Variants in FAM20A observed in about 807,000 individuals in gnomAD.
FAM20A encodes the protein pseudokinase FAM20A.
Under a neutral mutation model 52.0 loss-of-function variants are expected in FAM20A, and 42 were observed. The observed-to-expected ratio is 0.81, with a 90% CI of 0.63 to 1.04. The LOEUF (loss-of-function observed/expected upper bound fraction) is 1.04. Ranked by LOEUF, FAM20A falls within the 50% of genes least tolerant of loss-of-function variation. The probability of loss-of-function intolerance (pLI) is 0.00; values close to 1 mark genes in which losing one functional copy is unlikely to be tolerated. For missense variants in FAM20A, 742 were observed against 712.7 expected, an observed-to-expected ratio of 1.04 and a Z score of -0.47; for synonymous variants, 304 against 298.9, an observed-to-expected ratio of 1.02 and a Z score of -0.18.
intron 1 of FAM20A, among the ~76,000 whole-genome samples, chr17:68,575,835 A>ACACACACACAC (rs2087751548): frequency 3.9e-5 from 2 of 50,654 alleles, no homozygotes; most frequent in South Asian, 7.5e-4. Context: ...CACACACATA[A>ACACACACACAC]TCAGCCATTG....
intron 7 of FAM20A, 40 bp from the exon 8 acceptor site, chr17:68,540,998 A>G: frequency 6.4e-7 from 1 of 1,553,940 alleles, no homozygotes. Flanking sequence ...AAAAGCCAAG[A>G]TGGCAGGGTG....
intron 1 of FAM20A, among the ~76,000 whole-genome samples, chr17:68,585,159 C>G (rs980948952): frequency 6.6e-6 from 1 of 152,148 alleles, no homozygotes; most frequent in Non-Finnish European, 1.5e-5. Context: ...CTAGGCTGGC[C>G]CTTAGACCTG....
intron 1 of FAM20A, among the ~76,000 whole-genome samples, chr17:68,595,383 G>A (rs1446887579): frequency 6.6e-6 from 1 of 152,186 alleles, no homozygotes; most frequent in African/African-American, 2.4e-5. Context: ...ACCTGATAAT[G>A]GCCGTCTGGA....
At chr17:68,592,537 T>C (rs890136634) in intron 1 of FAM20A, among the ~76,000 whole-genome samples, 10 of 152,226 alleles carry the variant, frequency 6.6e-5, no homozygotes, top group Non-Finnish European at 1.2e-4. Context: ...GTGTTGACGA[T>C]TGAAGGTAAA....
intron 1 of FAM20A, among the ~76,000 whole-genome samples, chr17:68,573,958 G>A (rs1034468182): frequency 6.6e-6 from 1 of 151,986 alleles, no homozygotes; most frequent in Non-Finnish European, 1.5e-5. Context: ...GATTACAGGT[G>A]TGAGCCACCA....
intron 1 of FAM20A, among the ~76,000 whole-genome samples, chr17:68,575,384 T>TAC (rs1002823972): frequency 3.0e-5 from 4 of 135,524 alleles, no homozygotes; most frequent in Non-Finnish European, 6.2e-5. Flanking sequence ...TTACTTTACA[T>TAC]ATATATATAT....
At chr17:68,598,092 C>T (rs2088506610) in intron 1 of FAM20A, 1 of 151,460 alleles carries the variant, frequency 6.6e-6, no homozygotes, top group African/African-American at 2.4e-5. Flanking sequence ...CAGCCTCAAC[C>T]TTCTGGGCTC....
At chr17:68,551,824 C>G (rs1473466960) in intron 4 of FAM20A, 49 bp downstream of exon 4, 2 of 1,414,482 alleles carry the variant, frequency 1.4e-6, no homozygotes, top group Non-Finnish European at 2.0e-6. Flanking sequence ...TCCAAATCTT[C>G]CCAGGGCCAC....
At position 68,537,578 on chromosome 17, in the gene FAM20A, C is replaced by G; in HGVS notation, c.1525G>C (p.Val509Leu). 1 of 1,613,422 alleles carries G rather than the reference C, an allele frequency of 6.2e-7. No homozygotes were observed. The highest frequency in any genetic ancestry group is 8.5e-7 in the Non-Finnish European group (1 of 1,179,474). ...DRRLQTILRTVEGCIVAHGQQ... is the reference protein window; with the variant it reads ...DRRLQTILRTLEGCIVAHGQQ... ...CCATGGGCCACTATGCACCCCTCCACTGTCCTTAGGATGGTTTGGAGCCTT... is the reference window on the plus strand; with the variant it reads ...CCATGGGCCACTATGCACCCCTCCAGTGTCCTTAGGATGGTTTGGAGCCTT... Residue 509 changes from valine to leucine, a missense_variant, in exon 11 of 11, where the codon GTG (valine) becomes CTG (leucine). By Grantham distance (32) the Val-to-Leu change is conservative. Coordinates refer to ENST00000592554, the MANE Select transcript of FAM20A (RefSeq NM_017565.4). This position sits in a 1 kb window ranked among gnomAD's most constrained non-coding sequence, Gnocchi z 4.2.
At chr17:68,545,212 G>A (rs550249660) in intron 4 of FAM20A, among the ~76,000 whole-genome samples, 1 of 152,202 alleles carries the variant, frequency 6.6e-6, no homozygotes, top group African/African-American at 2.4e-5. Flanking sequence ...CTGTGTTATG[G>A]TATGAAAATA....
intron 1 of FAM20A, among the ~76,000 whole-genome samples, chr17:68,595,269 G>T (rs1393315332): frequency 6.6e-6 from 1 of 152,222 alleles, no homozygotes; most frequent in Non-Finnish European, 1.5e-5. Context: ...TTGGAAGCAG[G>T]AAGTGCCTGT....
rs533820009 is a variant in FAM20A, at chr17:68,580,385, C to T, written c.404+19878G>A. Among the ~76,000 whole-genome samples the T allele has an allele frequency of 1.6e-4, 25 of 152,308 alleles. No homozygotes were observed. In the South Asian group the frequency reaches 3.7e-3, roughly 23 times the overall value. ...GGTTTCCCGAAATGGGCTGGTTTCC[C>T]GACAAAAACTCATTCCTTTCTCGTT... On this transcript the variant is annotated intron_variant, in intron 1 of 10. Coordinates refer to ENST00000592554, the MANE Select transcript of FAM20A (RefSeq NM_017565.4).
At chr17:68,578,759 C>T (rs1370299153) in intron 1 of FAM20A, among the ~76,000 whole-genome samples, 5 of 146,768 alleles carry the variant, frequency 3.4e-5, no homozygotes, top group East Asian at 2.0e-4. Context: ...TTTGGGAGGC[C>T]GAGGCAGGCG....
intron 1 of FAM20A, among the ~76,000 whole-genome samples, chr17:68,558,991 C>T (rs974790754): frequency 9.2e-5 from 14 of 152,214 alleles, no homozygotes; most frequent in African/African-American, 2.7e-4. Context: ...CTCCTGACCT[C>T]AGGTGATCCG....
rs765957998 is a variant in FAM20A, at chr17:68,581,440, CT to C, written c.404+18822del. On this transcript the variant is annotated intron_variant, in intron 1 of 10. Transcript: ENST00000592554. ...TTTTTCTCTTTTCTTTCTTTCTTTT[CT>C]TTTTTTCTTTTCTTTCTTTCCTTTC... 6.1e-3 allele frequency among the ~76,000 whole-genome samples: 620 copies of C among 101,246 alleles called. 7 individuals are homozygous for C. The highest frequency in any genetic ancestry group is 0.015 in the South Asian group (44 of 2,924). 66.4% of individuals were successfully genotyped at this position (101,246 alleles called of 152,430 possible).
At chr17:68,571,835 A>C (rs1664382923) in intron 1 of FAM20A, among the ~76,000 whole-genome samples, 1 of 151,778 alleles carries the variant, frequency 6.6e-6, no homozygotes, top group Admixed American at 6.6e-5. Flanking sequence ...AAAATTACGA[A>C]TACAAAACCA....
chr17:68,561,555 C>CT (rs1185946453), intron 1 of FAM20A, among the ~76,000 whole-genome samples: 3 of 147,470 alleles, frequency 2.0e-5, no homozygotes, highest in South Asian at 2.1e-4. Flanking sequence ...TGATAAAACA[C>CT]TTTAACAGCT....
At chr17:68,568,940 TA>T (rs1347199594) in intron 1 of FAM20A, among the ~76,000 whole-genome samples, 1 of 151,860 alleles carries the variant, frequency 6.6e-6, no homozygotes, top group Non-Finnish European at 1.5e-5. Flanking sequence ...TCTAACAGAA[TA>T]AAATTCCTAG....
At chr17:68,577,793 GT>G (rs1313762020) in intron 1 of FAM20A, among the ~76,000 whole-genome samples, 1 of 152,038 alleles carries the variant, frequency 6.6e-6, no homozygotes, top group Non-Finnish European at 1.5e-5. Context: ...AATTAAAAAT[GT>G]TACTTAATTG....
Sources: gnomAD v4.1 joint callset for allele counts (sites outside exome capture counted in the v4.1 genomes callset) on GRCh38, gnomAD v4.1.1 for gene constraint, Gnocchi (gnomAD v3.1) non-coding constraint, MANE v1.5 for transcripts, NCBI Gene and HGNC (gene_info 2026-07-23, HGNC 2026-07-21) for gene names.